Variants in SMS observed in about 807,000 individuals in gnomAD.
The protein encoded by SMS is spermidine aminopropyltransferase.
Under a neutral mutation model 33.0 loss-of-function variants are expected in SMS, and 3 were observed. The observed-to-expected ratio is 0.09, with a 90% CI of 0.04 to 0.23. The LOEUF (loss-of-function observed/expected upper bound fraction) is 0.23. Ranked by LOEUF, SMS falls within the 10% of genes least tolerant of loss-of-function variation. The pLI, the probability that SMS is intolerant of heterozygous loss-of-function variation, is 1.00. For synonymous variants in SMS, 103 were observed against 112.2 expected, an observed-to-expected ratio of 0.92 and a Z score of 0.52; for missense variants, 117 against 288.6, an observed-to-expected ratio of 0.41 and a Z score of 4.31.
At chrX:21,978,395 C>T (rs1409274080) in intron 6 of SMS, among the ~76,000 whole-genome samples, 1 of 111,135 alleles carries the variant, frequency 9.0e-6, no homozygotes, top group African/African-American at 3.3e-5. Flanking sequence ...ATCGACATGG[C>T]GAAACCCTAC....
intron 1 of SMS, among the ~76,000 whole-genome samples, chrX:21,953,531 T>A (rs1922759972): frequency 8.9e-6 from 1 of 112,528 alleles, no homozygotes; most frequent in Non-Finnish European, 1.9e-5. Context: ...AAGCAGTTAA[T>A]TTTTAAAGGA....
At chrX:21,966,348 T>TA (rs1323952529) in intron 1 of SMS, among the ~76,000 whole-genome samples, 1 of 112,587 alleles carries the variant, frequency 8.9e-6, no homozygotes, top group African/African-American at 3.2e-5. Flanking sequence ...TTACATTTAT[T>TA]AGGGAATGCC....
chrX:21,962,258 ACCCTG>A (rs1003575476), intron 1 of SMS, among the ~76,000 whole-genome samples: 1 of 111,733 alleles, frequency 8.9e-6, no homozygotes, highest in Non-Finnish European at 1.9e-5. Flanking sequence ...ATATCAAGGA[ACCCTG>A]ATAGAGCAAG....
In SMS at chrX:21,952,216, C is replaced by G. The variant is rs760384888; in HGVS notation, c.49+11343C>G. Among the ~76,000 whole-genome samples the G allele has an allele frequency of 2.7e-5, 3 of 111,432 alleles. No homozygotes were observed. The Admixed American group carries it at 2.9e-4, about 11-fold the overall frequency. Reference sequence around the variant, plus strand: ...TTTTGGACCTTATGGGGAGAGCAGTCTTTTACCATTTTGAGTATTATGCTA... The same window carrying G: ...TTTTGGACCTTATGGGGAGAGCAGTGTTTTACCATTTTGAGTATTATGCTA... On this transcript the variant is annotated intron_variant, in intron 1 of 10. Transcript: ENST00000404933.
intron 10 of SMS, 107 bp downstream of exon 10, chrX:21,992,819 A>C: frequency 2.2e-6 from 1 of 454,405 alleles, no homozygotes; most frequent in Admixed American, 3.6e-5. Flanking sequence ...TTAGCCATAG[A>C]GTATATAAAG....
intron 5 of SMS, 97 bp from the exon 6 acceptor site, chrX:21,977,863 T>A: frequency 2.3e-6 from 2 of 877,064 alleles, no homozygotes; most frequent in Non-Finnish European, 3.4e-6. Flanking sequence ...ATGAAAAATT[T>A]ACATTTTGGT....
intron 3 of SMS, among the ~76,000 whole-genome samples, 158 bp downstream of exon 3, chrX:21,972,148 G>GTT (rs1350222604): frequency 2.7e-5 from 3 of 112,389 alleles, no homozygotes; most frequent in Non-Finnish European, 5.6e-5. Flanking sequence ...TTGTTTAGTT[G>GTT]TTTTTAGGAA....
chrX:21,945,840 G>A (rs1922190019), intron 1 of SMS, among the ~76,000 whole-genome samples: 1 of 110,527 alleles, frequency 9.0e-6, no homozygotes. Flanking sequence ...GGCCAGGCTG[G>A]TCTCGAACTC....
intron 9 of SMS, among the ~76,000 whole-genome samples, chrX:21,988,737 G>C (rs1344064096): frequency 4.7e-5 from 5 of 106,276 alleles, no homozygotes; most frequent in Non-Finnish European, 9.6e-5. Context: ...TTTTACAAAA[G>C]CTAAATGTTC....
intron 7 of SMS, 142 bp downstream of exon 7, chrX:21,979,108 T>G (rs1924730202): frequency 2.1e-6 from 1 of 485,425 alleles, no homozygotes; most frequent in East Asian, 3.7e-5. Flanking sequence ...GAGTTATATG[T>G]ATATTTGTAT....
chrX:21,988,537 C>T lies in SMS; in HGVS notation c.945+3314C>T, dbSNP rs754515057. 8.2e-5 allele frequency among the ~76,000 whole-genome samples: 9 copies of T among 109,304 alleles called. No individual in the cohort carries two copies. In the South Asian group the frequency reaches 3.1e-3, roughly 38 times the overall value. 94.9% of individuals were successfully genotyped at this position (109,304 alleles called of 115,157 possible). A position where few individuals can be genotyped will look rare whatever the true frequency, so the allele number is the denominator to read the frequency against. On this transcript the variant is annotated intron_variant, in intron 9 of 10. Coordinates refer to ENST00000404933, the MANE Select transcript of SMS (RefSeq NM_004595.5). Reference sequence around the variant, plus strand: ...AAAATTAGCCGGGCGCGGTGGCAGACGCCTGTAGTCCCAGCTACTCGGGAG... The same window carrying T: ...AAAATTAGCCGGGCGCGGTGGCAGATGCCTGTAGTCCCAGCTACTCGGGAG...
chrX:21,959,359 G>A (rs1026441371), intron 1 of SMS, among the ~76,000 whole-genome samples: 5 of 111,800 alleles, frequency 4.5e-5, no homozygotes, highest in Non-Finnish European at 9.4e-5. Context: ...GTCAGTCTTC[G>A]TGCTTTTGAT....
chrX:21,982,545 G>A (rs776402782), intron 7 of SMS, among the ~76,000 whole-genome samples: 3 of 111,955 alleles, frequency 2.7e-5, no homozygotes, highest in Non-Finnish European at 3.8e-5. Flanking sequence ...GCTTCTAGCC[G>A]GTGTTTGAGC....
intron 9 of SMS, among the ~76,000 whole-genome samples, chrX:21,988,987 G>A (rs762035882): frequency 9.0e-6 from 1 of 110,725 alleles, no homozygotes; most frequent in South Asian, 3.8e-4. Context: ...AAAACTGTAA[G>A]TTATATTTCT....
At chrX:21,948,920 A>C (rs1480161552) in intron 1 of SMS, among the ~76,000 whole-genome samples, 3 of 112,006 alleles carry the variant, frequency 2.7e-5, no homozygotes. Flanking sequence ...AAACCTCCTC[A>C]ATTGAATCTG....
At position 21,967,326 on chromosome X, in the gene SMS, C is replaced by G. The variant is rs755921107; in HGVS notation, c.170+10C>G. 5 of 1,208,318 alleles carry G rather than the reference C, an allele frequency of 4.1e-6. No individual in the cohort carries two copies. The highest frequency in any genetic ancestry group is 1.8e-5 in the South Asian group (1 of 56,898). ...CAAACAAGAACGGCAGGTGAGCAGT[C>G]TCCAGTGCTGTTCTTCATACCTGGT... On this transcript the variant is annotated intron_variant, in intron 2 of 10. Coordinates refer to ENST00000404933, the MANE Select transcript of SMS (RefSeq NM_004595.5).
chrX:21,949,932 T>C (rs1201643643), intron 1 of SMS, among the ~76,000 whole-genome samples: 1 of 100,599 alleles, frequency 9.9e-6, no homozygotes, highest in African/African-American at 3.9e-5. Context: ...GTGAGTGTGA[T>C]GCAGATATTC....
rs1924392892 is a variant in SMS, at chrX:21,974,245, G to A, written c.329+1674G>A. 3.6e-5 allele frequency among the ~76,000 whole-genome samples: 4 copies of A among 112,496 alleles called. 1 individual carries two copies. The South Asian group carries it at 1.1e-3, about 31-fold the overall frequency. On this transcript the variant is annotated intron_variant, in intron 4 of 10. Transcript: ENST00000404933. ...CAAGAAAGCTCCAGAGCAGATGTAAGATAACTAGGTAATTGTTTAACCTTC... is the reference window on the plus strand; with the variant it reads ...CAAGAAAGCTCCAGAGCAGATGTAAAATAACTAGGTAATTGTTTAACCTTC...
chrX:21,966,556 A>G (rs944176898), intron 1 of SMS, among the ~76,000 whole-genome samples: 1 of 110,469 alleles, frequency 9.1e-6, no homozygotes, highest in African/African-American at 3.3e-5. Flanking sequence ...TTCTGCGACC[A>G]TGGGGGTGGG....
Sources: allele counts gnomAD v4.1 joint callset (sites outside exome capture counted in the v4.1 genomes callset), GRCh38; gene constraint gnomAD v4.1.1; transcripts MANE v1.5; gene names NCBI Gene and HGNC (gene_info 2026-07-23, HGNC 2026-07-21).